Variants in NUAK2 observed in about 807,000 individuals in gnomAD.
The protein encoded by NUAK2 is NUAK family SNF1-like kinase 2.
Under a neutral mutation model 29.8 loss-of-function variants are expected in NUAK2, and 20 were observed. That is an observed-to-expected ratio of 0.67 (90% CI 0.47 to 0.98). The LOEUF (loss-of-function observed/expected upper bound fraction) is 0.98. NUAK2 is among the 50% of genes least tolerant of loss of function. The pLI is 0.00. For synonymous variants in NUAK2, 331 were observed against 342.6 expected (o/e 0.97, Z 0.37); for missense variants, 719 against 834.5 (o/e 0.86, Z 1.71).
In NUAK2 at chr1:205,304,027, C is replaced by A. The variant is rs1175115243; in HGVS notation, c.1310G>T (p.Gly437Val). The change falls in exon 7 of 7, where the codon GGG (glycine) becomes GTG (valine). Residue 437 changes from glycine to valine, a missense_variant. By Grantham distance (109) the Gly-to-Val change is moderately radical. Transcript: ENST00000367157. The surrounding 1 kb of genome is among the most constrained non-coding windows in gnomAD (Gnocchi z 6.5). ...PELSPIPASP[G>V]QAAPLLPKKG... ...CTTGGGGAGCAGGGGGGCAGCCTGC[C>A]CTGGGCTCGCAGGGATTGGGCTGAG... 1.2e-6 allele frequency: 2 copies of A among 1,613,810 alleles called. No homozygotes were observed. Among genetic ancestry groups the A allele is most frequent in the African/African-American group, 2.7e-5 (2 of 74,916 alleles).
intron 1 of NUAK2, among the ~76,000 whole-genome samples, chr1:205,315,761 T>G (rs762562705): frequency 1.3e-5 from 2 of 152,056 alleles, no homozygotes; most frequent in African/African-American, 2.4e-5. Context: ...TAATCTCAGC[T>G]ACTCTGTGGC....
intron 5 of NUAK2, 143 bp downstream of exon 5, chr1:205,306,045 C>G (rs1304382753): frequency 4.2e-5 from 48 of 1,148,500 alleles, no homozygotes; most frequent in Non-Finnish European, 5.9e-5. Flanking sequence ...TGGCTAGACA[C>G]CTGGCAAGTT....
intron 1 of NUAK2, among the ~76,000 whole-genome samples, chr1:205,319,771 G>A (rs1662382804): frequency 2.0e-5 from 3 of 152,104 alleles, no homozygotes; most frequent in South Asian, 4.1e-4. Context: ...AAACATACTC[G>A]GTCCTATTGA....
rs778490671 is a variant in NUAK2, at chr1:205,308,738, C to G, written c.353-6G>C. On this transcript the variant is annotated splice_region_variant and splice_polypyrimidine_tract_variant and intron_variant, in intron 2 of 6. Coordinates refer to ENST00000367157, the MANE Select transcript of NUAK2 (RefSeq NM_030952.3). The surrounding 1 kb of genome is among the most constrained non-coding windows in gnomAD (Gnocchi z 4.1). ...CTTGCTGCTGTTCTCAAACACTGGG[C>G]AGAGCAAGGCAAGGAACGTCAGGCC... The G allele has an allele frequency of 3.7e-6, 6 of 1,612,996 alleles. No homozygotes were observed. Among genetic ancestry groups the G allele is most frequent in the Non-Finnish European group, 5.1e-6 (6 of 1,179,298 alleles).
rs778563153 is a variant in NUAK2, at chr1:205,306,310, G to T, written c.571-3C>A. 6.2e-7 allele frequency: 1 copy of T among 1,609,964 alleles called. No individual in the cohort carries two copies. Among genetic ancestry groups the T allele is most frequent in the Non-Finnish European group, 8.5e-7 (1 of 1,178,268 alleles). On this transcript the variant is annotated splice_region_variant and splice_polypyrimidine_tract_variant and intron_variant, in intron 4 of 6. Coordinates refer to ENST00000367157, the MANE Select transcript of NUAK2 (RefSeq NM_030952.3). ...TTGGAGAGACCGAAGTCAGCAATCT[G>T]CAGGATTGAGTCAAACACGGGCACA...
At chr1:205,313,548 C>A (rs1263748392) in intron 1 of NUAK2, among the ~76,000 whole-genome samples, 1 of 152,180 alleles carries the variant, frequency 6.6e-6, no homozygotes, top group East Asian at 1.9e-4. Context: ...AGCTCCTGGA[C>A]AAAATCCCAG....
At chr1:205,305,433 C>T in intron 5 of NUAK2, 102 bp from the exon 6 acceptor site, 1 of 1,476,794 alleles carries the variant, frequency 6.8e-7, no homozygotes. Flanking sequence ...CGACCCACCT[C>T]TCCTACCCAG....
intron 1 of NUAK2, among the ~76,000 whole-genome samples, chr1:205,312,305 A>G (rs1553380849): frequency 3.9e-5 from 6 of 152,184 alleles, no homozygotes; most frequent in Non-Finnish European, 1.5e-5. Context: ...AGCATCATCA[A>G]TACCCTTTAC....
intron 5 of NUAK2, 85 bp downstream of exon 5, chr1:205,306,103 C>T (rs534114523): frequency 2.6e-5 from 38 of 1,475,828 alleles, no homozygotes; most frequent in East Asian, 1.9e-4. Flanking sequence ...ATGTGAATAA[C>T]GAGAAAACTA....
chr1:205,303,584 A>AG lies in NUAK2; in HGVS notation c.1752dup (p.Ser585LeufsTer99), dbSNP rs756125791. On this transcript the variant is annotated frameshift_variant, in exon 7 of 7. Transcript: ENST00000367157. LOFTEE classifies it low-confidence loss of function (END_TRUNC). The stretch of plus-strand genomic sequence containing the variant: ...CTCAGGCAGCTTCCAGGGCCCTCTG[A>AG]GGGGGGCTCCTCAAGCCCCGTGAGG... 6 of 1,612,978 alleles carry AG rather than the reference A, an allele frequency of 3.7e-6. No individual in the cohort carries two copies. The highest frequency in any genetic ancestry group is 1.7e-5 in the Admixed American group (1 of 59,854).
chr1:205,304,517 G>C lies in NUAK2; in HGVS notation c.824-4C>G. ...CACCGGATCAGGCCACAGGCATCTG[G>C]AAGACAAAAGGCAGGTGCTTCAGTT... On this transcript the variant is annotated splice_region_variant and splice_polypyrimidine_tract_variant and intron_variant, in intron 6 of 6. Coordinates refer to ENST00000367157, the MANE Select transcript of NUAK2 (RefSeq NM_030952.3). This position sits in a 1 kb window ranked among gnomAD's most constrained non-coding sequence, Gnocchi z 6.5. 6.6e-7 allele frequency: 1 copy of C among 1,504,056 alleles called. No homozygotes were observed. Among genetic ancestry groups the C allele is most frequent in the South Asian group, 1.4e-5 (1 of 73,594 alleles). 93.2% of individuals were successfully genotyped at this position (1,504,056 alleles called of 1,614,324 possible).
rs1394095863 is a variant in NUAK2, at chr1:205,303,430, TG to T, written c.*19del. 3.9e-6 allele frequency: 6 copies of T among 1,526,086 alleles called. No individual in the cohort carries two copies. The highest frequency in any genetic ancestry group is 5.3e-6 in the Non-Finnish European group (6 of 1,135,400). 94.5% of individuals were successfully genotyped at this position (1,526,086 alleles called of 1,614,324 possible). ...GCTGCATCTGAGAGCCTGACCGGGCTGGGGCAATGCCTACTCCACTCAGGTG... is the reference window on the plus strand; with the variant it reads ...GCTGCATCTGAGAGCCTGACCGGGCTGGGCAATGCCTACTCCACTCAGGTG... On this transcript the variant is annotated 3_prime_UTR_variant, in exon 7 of 7. Coordinates refer to ENST00000367157, the MANE Select transcript of NUAK2 (RefSeq NM_030952.3).
At chr1:205,312,238 T>G (rs1027071047) in intron 1 of NUAK2, among the ~76,000 whole-genome samples, 1 of 152,196 alleles carries the variant, frequency 6.6e-6, no homozygotes, top group Non-Finnish European at 1.5e-5. Flanking sequence ...GAATAACTCC[T>G]TGTTGCATTA....
Position 205,305,299 on chromosome 1 carries a change from G to A in NUAK2, c.723C>T (p.Tyr241=), listed in dbSNP as rs747146647. Residue 241 remains tyrosine (Y), a synonymous_variant, in exon 6 of 7, where the codon TAC becomes TAT. Coordinates refer to ENST00000367157, the MANE Select transcript of NUAK2 (RefSeq NM_030952.3). The stretch of plus-strand genomic sequence containing the variant: ...AGGGCATGGTGCCATGCACCAGGAT[G>A]TAGAGGAGAACACCCAGGGACCAGC... The part of the protein sequence containing the change: ...VDSWSLGVLL[Y]ILVHGTMPFD... 1.9e-6 allele frequency: 3 copies of A among 1,614,148 alleles called. No homozygotes were observed. The Admixed American group carries it at 5.0e-5, about 27-fold the overall frequency.
chr1:205,309,232 G>A (rs192298077), intron 2 of NUAK2, among the ~76,000 whole-genome samples: 1 of 152,274 alleles, frequency 6.6e-6, no homozygotes, highest in Non-Finnish European at 1.5e-5. Context: ...GGGCTGGGGT[G>A]AGAAATATAA....
intron 4 of NUAK2, among the ~76,000 whole-genome samples, chr1:205,306,668 C>T (rs990730119): frequency 6.6e-6 from 1 of 152,164 alleles, no homozygotes; most frequent in Non-Finnish European, 1.5e-5. Context: ...CAATGCCTCC[C>T]TGGAGCCCCT....
At chr1:205,321,335 T>C (rs1662413783) in intron 1 of NUAK2, 63 bp downstream of exon 1, 5 of 1,442,792 alleles carry the variant, frequency 3.5e-6, no homozygotes, top group South Asian at 2.7e-5. Context: ...CCCGCCCTCC[T>C]CCGCTCCCTG....
intron 1 of NUAK2, among the ~76,000 whole-genome samples, chr1:205,314,020 C>G (rs1662290950): frequency 2.0e-5 from 3 of 152,234 alleles, no homozygotes; most frequent in South Asian, 4.1e-4. Context: ...AGGGGAGGAG[C>G]CTCTAATCCA....
chr1:205,311,078 C>T (rs1662252597), intron 2 of NUAK2, among the ~76,000 whole-genome samples: 1 of 152,212 alleles, frequency 6.6e-6, no homozygotes, highest in African/African-American at 2.4e-5. Context: ...TTTCCTTCGT[C>T]ACCCTCTCTT....
Sources: allele counts gnomAD v4.1 joint callset (sites outside exome capture counted in the v4.1 genomes callset), GRCh38; gene constraint gnomAD v4.1.1; non-coding constraint Gnocchi (gnomAD v3.1); transcripts MANE v1.5; gene names NCBI Gene and HGNC (gene_info 2026-07-23, HGNC 2026-07-21).